MACROD2: variants seen among roughly 807,000 people sequenced by gnomAD.
The protein encoded by MACROD2 is ADP-ribose glycohydrolase MACROD2.
MACROD2 carries 36 observed loss-of-function variants against 70.4 expected under a neutral mutation model. That is an observed-to-expected ratio of 0.51 (90% CI 0.39 to 0.68). The LOEUF (loss-of-function observed/expected upper bound fraction) is 0.68. Ranked by LOEUF, MACROD2 falls within the 30% of genes least tolerant of loss-of-function variation. The pLI, the probability that MACROD2 is intolerant of heterozygous loss-of-function variation, is 0.00. For synonymous variants in MACROD2, 172 were observed against 178.8 expected (o/e 0.96, Z 0.30); for missense variants, 496 against 538.4 (o/e 0.92, Z 0.78).
At chr20:14,362,041 T>C (rs1188120934) in intron 3 of MACROD2, among the ~76,000 whole-genome samples, 1 of 152,258 alleles carries the variant, frequency 6.6e-6, no homozygotes, top group Non-Finnish European at 1.5e-5. Flanking sequence ...TTAGTATTGA[T>C]GGTTTGCCCA....
intron 6 of MACROD2, among the ~76,000 whole-genome samples, chr20:15,377,443 C>T (rs546369651): frequency 1.3e-5 from 2 of 152,262 alleles, no homozygotes; most frequent in African/African-American, 2.4e-5. Flanking sequence ...ATCTGAAAAC[C>T]GTTAAACTCA....
intron 5 of MACROD2, among the ~76,000 whole-genome samples, chr20:14,957,344 G>A (rs2074546041): frequency 6.6e-6 from 1 of 152,104 alleles, no homozygotes; most frequent in Non-Finnish European, 1.5e-5. Flanking sequence ...CTGAAAAGGA[G>A]ACGAAAAGAA....
chr20:15,117,449 T>G (rs1438786730), intron 5 of MACROD2, among the ~76,000 whole-genome samples: 1 of 152,184 alleles, frequency 6.6e-6, no homozygotes, highest in Non-Finnish European at 1.5e-5. Flanking sequence ...AAGATTTCCC[T>G]CTCTTTTACA....
At chr20:15,286,560 GAT>G (rs764687309) in intron 6 of MACROD2, among the ~76,000 whole-genome samples, 1 of 152,174 alleles carries the variant, frequency 6.6e-6, no homozygotes, top group Non-Finnish European at 1.5e-5. Flanking sequence ...ATAAAGATAA[GAT>G]ATGTTTTATA....
intron 8 of MACROD2, among the ~76,000 whole-genome samples, chr20:15,527,159 A>G (rs150163022): frequency 2.2e-4 from 34 of 152,320 alleles, no homozygotes; most frequent in African/African-American, 8.2e-4. Flanking sequence ...TGTTCCCCAG[A>G]GAAAATGAAA....
chr20:16,023,473 CAAAAAAAAAAA>C (rs60347463), intron 15 of MACROD2, among the ~76,000 whole-genome samples: 915 of 71,464 alleles, frequency 0.013, 13 homozygotes, highest in African/African-American at 0.046. Flanking sequence ...GACTCCATCT[CAAAAAAAAAAA>C]AAAAAAAAAA....
At chr20:14,943,665 T>C (rs1360214939) in intron 5 of MACROD2, among the ~76,000 whole-genome samples, 1 of 152,186 alleles carries the variant, frequency 6.6e-6, no homozygotes, top group Non-Finnish European at 1.5e-5. Context: ...CATCTTCTTA[T>C]ATAGTAAACA....
chr20:15,024,766 A>G (rs1165881654), intron 5 of MACROD2, among the ~76,000 whole-genome samples: 1 of 152,188 alleles, frequency 6.6e-6, no homozygotes, highest in Non-Finnish European at 1.5e-5. Context: ...ACTATTTAAT[A>G]CAAGAATTGG....
At chr20:15,133,317 A>G (rs949813284) in intron 5 of MACROD2, among the ~76,000 whole-genome samples, 3 of 152,112 alleles carry the variant, frequency 2.0e-5, no homozygotes, top group African/African-American at 7.2e-5. Context: ...AATTTTTCTT[A>G]ATTTTTAAAT....
chr20:15,238,632 A>C (rs1001772111), intron 6 of MACROD2, among the ~76,000 whole-genome samples: 1 of 152,196 alleles, frequency 6.6e-6, no homozygotes, highest in African/African-American at 2.4e-5. Flanking sequence ...GACCGTGATC[A>C]ATTCTTTTTG....
intron 5 of MACROD2, among the ~76,000 whole-genome samples, chr20:14,833,237 G>T (rs2072991879): frequency 6.6e-6 from 1 of 152,262 alleles, no homozygotes; most frequent in Non-Finnish European, 1.5e-5. Context: ...GGCTTATGGG[G>T]CTGTGGGTGT....
In MACROD2 at chr20:15,254,339, ACT is replaced by A. The variant is rs140590835; in HGVS notation, c.540+24281_540+24282del. On this transcript the variant is annotated intron_variant, in intron 6 of 17. Transcript: ENST00000684519. ...AGCGTATCAGCCAGAATCATCAATA[ACT>A]CTTGGTGGATGTTCAAATGCAGTGA... Among the ~76,000 whole-genome samples the A allele has an allele frequency of 1.0e-3, 152 of 151,940 alleles. 2 individuals are homozygous for A. The East Asian group carries it at 0.019, about 19-fold the overall frequency.
chr20:14,295,304 T>G (rs1230910230), intron 3 of MACROD2, among the ~76,000 whole-genome samples: 4 of 151,668 alleles, frequency 2.6e-5, no homozygotes, highest in Non-Finnish European at 5.9e-5. Context: ...AACTAGAAAA[T>G]CAAACACAAA....
intron 5 of MACROD2, among the ~76,000 whole-genome samples, chr20:14,810,844 A>T (rs913516036): frequency 7.2e-5 from 11 of 152,208 alleles, no homozygotes; most frequent in African/African-American, 2.4e-4. Flanking sequence ...CACAATTGCT[A>T]CGAAGAGAAT....
chr20:15,289,048 A>T (rs1217211691), intron 6 of MACROD2, among the ~76,000 whole-genome samples: 1 of 152,146 alleles, frequency 6.6e-6, no homozygotes, highest in East Asian at 1.9e-4. Context: ...AGCTAGGAAG[A>T]GAGAACATCA....
chr20:14,517,805 A>G (rs1240750124), intron 4 of MACROD2, among the ~76,000 whole-genome samples: 3 of 152,084 alleles, frequency 2.0e-5, no homozygotes, highest in Non-Finnish European at 4.4e-5. Flanking sequence ...GTTGATTTTA[A>G]ATGCAGCTTT....
intron 3 of MACROD2, among the ~76,000 whole-genome samples, chr20:14,381,625 T>C (rs1329921961): frequency 3.9e-5 from 6 of 152,276 alleles, no homozygotes; most frequent in African/African-American, 1.2e-4. Flanking sequence ...AGAAGGAAGA[T>C]AGTAGTAGCA....
In MACROD2 at chr20:14,945,086, C is replaced by A. The variant is rs547117285; in HGVS notation, c.418+260127C>A. The stretch of plus-strand genomic sequence containing the variant: ...AATTGGAAGATTTCTCTTTGAAGTC[C>A]TAATGGCTACTTTTCTTTTCTTTCT... On this transcript the variant is annotated intron_variant, in intron 5 of 17. Coordinates refer to ENST00000684519, the MANE Select transcript of MACROD2 (RefSeq NM_001351661.2). 8.6e-5 allele frequency among the ~76,000 whole-genome samples: 13 copies of A among 152,002 alleles called. No homozygotes were observed. In the South Asian group the frequency reaches 2.7e-3, roughly 32 times the overall value.
At chr20:14,136,547 GCCT>G (rs1222966658) in intron 3 of MACROD2, among the ~76,000 whole-genome samples, 1 of 152,116 alleles carries the variant, frequency 6.6e-6, no homozygotes, top group Non-Finnish European at 1.5e-5. Context: ...CAAGTACGGT[GCCT>G]GGACCAGCAG....
Sources: allele counts gnomAD v4.1 joint callset (sites outside exome capture counted in the v4.1 genomes callset), GRCh38; gene constraint gnomAD v4.1.1; transcripts MANE v1.5; gene names NCBI Gene and HGNC (gene_info 2026-07-23, HGNC 2026-07-21).